CSMD1: variants seen among roughly 807,000 people sequenced by gnomAD.
CSMD1 encodes CUB and sushi domain-containing protein 1.
A neutral mutation model predicts 417.5 loss-of-function variants in CSMD1; 213 were observed. The observed-to-expected ratio is 0.51, with a 90% CI of 0.46 to 0.57. The LOEUF (loss-of-function observed/expected upper bound fraction) is 0.57, where lower values mean the gene tolerates loss of function less well. Among genes scored for constraint, CSMD1 ranks in the 20% least tolerant of loss-of-function variants. The probability of loss-of-function intolerance (pLI) is 0.00; values close to 1 mark genes in which losing one functional copy is unlikely to be tolerated. For missense variants in CSMD1, 6,923 were observed against 4,529.7 expected (o/e 1.53, Z -15.17); for synonymous variants, 2,862 against 1,736.8 (o/e 1.65, Z -16.11).
At chr8:3,658,750 T>C (rs184116523) in intron 7 of CSMD1, among the ~76,000 whole-genome samples, 2 of 152,086 alleles carry the variant, frequency 1.3e-5, no homozygotes, top group Admixed American at 1.3e-4. Flanking sequence ...GCCACTGAAC[T>C]TCAGCCTGGG....
intron 6 of CSMD1, among the ~76,000 whole-genome samples, chr8:3,735,208 T>A (rs947485201): frequency 2.0e-5 from 3 of 152,200 alleles, no homozygotes; most frequent in Admixed American, 6.5e-5. Flanking sequence ...AAGTTGCCCC[T>A]GGCTCCTTAA....
At chr8:4,986,050 C>T (rs1450908153) in intron 1 of CSMD1, among the ~76,000 whole-genome samples, 1 of 152,180 alleles carries the variant, frequency 6.6e-6, no homozygotes, top group East Asian at 1.9e-4. Flanking sequence ...CTGTATTATA[C>T]ATCAAAGTAC....
At chr8:3,404,160 G>A (rs1161527) in intron 15 of CSMD1, among the ~76,000 whole-genome samples, 1 of 151,810 alleles carries the variant, frequency 6.6e-6, no homozygotes, top group Non-Finnish European at 1.5e-5. Context: ...ATGTTGAAAC[G>A]TCCCCTCTAC....
At chr8:3,158,053 C>T in intron 38 of CSMD1, 87 bp from the exon 39 acceptor site, 1 of 1,109,298 alleles carries the variant, frequency 9.0e-7, no homozygotes, top group Non-Finnish European at 1.3e-6. Flanking sequence ...GCATTTTTTC[C>T]TTTCTTGTTT....
chr8:3,280,107 C>T (rs1328291610), intron 26 of CSMD1, among the ~76,000 whole-genome samples: 4 of 152,072 alleles, frequency 2.6e-5, no homozygotes, highest in Admixed American at 2.0e-4. Context: ...GGCCTCTGTG[C>T]CCTGACATGC....
At chr8:2,982,339 G>C (rs1037310701) in intron 54 of CSMD1, among the ~76,000 whole-genome samples, 2 of 152,184 alleles carry the variant, frequency 1.3e-5, no homozygotes, top group African/African-American at 4.8e-5. Context: ...CTGGGTGACA[G>C]AGCGAGACTC....
intron 3 of CSMD1, among the ~76,000 whole-genome samples, chr8:4,135,390 A>C (rs1803366604): frequency 1.9e-5 from 2 of 107,502 alleles, no homozygotes; most frequent in Non-Finnish European, 3.6e-5. Context: ...AAGAGGGGGA[A>C]GGAAGGGGAA....
intron 12 of CSMD1, among the ~76,000 whole-genome samples, chr8:3,428,778 C>G (rs1563379272): frequency 6.6e-6 from 1 of 152,100 alleles, no homozygotes; most frequent in African/African-American, 2.4e-5. Context: ...GAATCATTCA[C>G]AATAGCCAAG....
chr8:2,977,854 G>C (rs1185378462), intron 55 of CSMD1, among the ~76,000 whole-genome samples: 1 of 152,156 alleles, frequency 6.6e-6, no homozygotes, highest in African/African-American at 2.4e-5. Flanking sequence ...TAAGGGAAAT[G>C]CAAATCAAAA....
At chr8:3,582,516 G>C (rs924282257) in intron 9 of CSMD1, among the ~76,000 whole-genome samples, 3 of 152,210 alleles carry the variant, frequency 2.0e-5, no homozygotes, top group South Asian at 2.1e-4. Context: ...ACAACTACAA[G>C]GGTGTTGATG....
At chr8:2,964,311 C>G (rs1228924734) in intron 59 of CSMD1, among the ~76,000 whole-genome samples, 1 of 152,210 alleles carries the variant, frequency 6.6e-6, no homozygotes, top group East Asian at 1.9e-4. Context: ...CCTCACCACT[C>G]CACCTTCTAC....
chr8:4,951,561 G>T (rs891308317), intron 1 of CSMD1, among the ~76,000 whole-genome samples: 8 of 137,236 alleles, frequency 5.8e-5, no homozygotes, highest in Non-Finnish European at 9.4e-5. Context: ...AAGGAAAAGA[G>T]AAAATAAAAA....
chr8:4,028,041 G>C (rs758769731), intron 4 of CSMD1, among the ~76,000 whole-genome samples: 3 of 152,122 alleles, frequency 2.0e-5, no homozygotes, highest in East Asian at 1.9e-4. Flanking sequence ...TACAGGTTTA[G>C]GTTTTGAGGC....
intron 30 of CSMD1, among the ~76,000 whole-genome samples, chr8:3,210,316 G>C (rs1201334579): frequency 8.0e-6 from 1 of 125,182 alleles, no homozygotes; most frequent in Non-Finnish European, 1.7e-5. Flanking sequence ...TTCATGCGCT[G>C]TGCTCTTTGA....
In CSMD1 at chr8:4,224,830, T is replaced by C. The variant is rs148488513; in HGVS notation, c.416-192731A>G. ...ATATTCCTCATCATGGGAGGATATA[T>C]AGGGCGCTGTGGCTCACGCCTGTCA... On this transcript the variant is annotated intron_variant, in intron 3 of 69. Transcript: ENST00000635120. Among the ~76,000 whole-genome samples the C allele has an allele frequency of 2.8e-3, 425 of 152,330 alleles. 2 individuals carry two copies. Among genetic ancestry groups the C allele is most frequent in the African/African-American group, 9.6e-3 (399 of 41,582 alleles).
At chr8:3,909,563 G>T (rs960041116) in intron 5 of CSMD1, among the ~76,000 whole-genome samples, 1 of 152,066 alleles carries the variant, frequency 6.6e-6, no homozygotes, top group South Asian at 2.1e-4. Context: ...TAGGGAGGTG[G>T]GTGCCTTTTC....
intron 23 of CSMD1, among the ~76,000 whole-genome samples, chr8:3,338,459 G>A (rs1585020881): frequency 6.6e-6 from 1 of 152,246 alleles, no homozygotes; most frequent in Non-Finnish European, 1.5e-5. Flanking sequence ...ATAGTGATGA[G>A]GGGACCAATT....
At position 4,092,512 on chromosome 8, in the gene CSMD1, T is replaced by C. The variant is rs575295836; in HGVS notation, c.416-60413A>G. ...TATTGTCTTTAAGTTTCAGTAGGCA[T>C]ATTTAAAAAAAGAATAGAAGTATTT... On this transcript the variant is annotated intron_variant, in intron 3 of 69. Coordinates refer to ENST00000635120, the MANE Select transcript of CSMD1 (RefSeq NM_033225.6). Among the ~76,000 whole-genome samples the C allele has an allele frequency of 3.3e-5, 5 of 152,326 alleles. No homozygotes were observed. The East Asian group carries it at 9.7e-4, about 29-fold the overall frequency.
At chr8:3,200,460 C>G (rs1024743330) in intron 32 of CSMD1, among the ~76,000 whole-genome samples, 32 of 151,814 alleles carry the variant, frequency 2.1e-4, no homozygotes, top group Middle Eastern at 3.2e-3. Flanking sequence ...GAGGCTGAGG[C>G]AGGAGAATCG....
Sources: gnomAD v4.1 joint callset for allele counts (sites outside exome capture counted in the v4.1 genomes callset) on GRCh38, gnomAD v4.1.1 for gene constraint, MANE v1.5 for transcripts, NCBI Gene and HGNC (gene_info 2026-07-23, HGNC 2026-07-21) for gene names.